ZMYM1: variants seen among roughly 807,000 people sequenced by gnomAD.
ZMYM1 encodes the protein zinc finger MYM-type protein 1.
A neutral mutation model predicts 60.0 loss-of-function variants in ZMYM1; 39 were observed. The ratio of observed to expected loss-of-function variants is 0.65; its 90% confidence interval spans 0.50 to 0.85. The LOEUF (loss-of-function observed/expected upper bound fraction) is 0.85, where lower values mean the gene tolerates loss of function less well. Ranked by LOEUF, ZMYM1 falls within the 40% of genes least tolerant of loss-of-function variation. The pLI, the probability that ZMYM1 is intolerant of heterozygous loss-of-function variation, is 0.00. For missense variants in ZMYM1, 1,171 were observed against 1,309.5 expected, an observed-to-expected ratio of 0.89 and a Z score of 1.63; for synonymous variants, 413 against 454.0, an observed-to-expected ratio of 0.91 and a Z score of 1.15.
intron 1 of ZMYM1, among the ~76,000 whole-genome samples, chr1:35,066,662 CTT>C (rs1557619688): frequency 2.6e-5 from 4 of 152,082 alleles, no homozygotes; most frequent in African/African-American, 7.2e-5. Flanking sequence ...GATTGAAAGA[CTT>C]AATGTAGTAA....
At chr1:35,100,528 A>G (rs1643587788) in intron 4 of ZMYM1, among the ~76,000 whole-genome samples, 1 of 151,820 alleles carries the variant, frequency 6.6e-6, no homozygotes. Flanking sequence ...TGACTGAGGC[A>G]GGAGAATTGC....
At chr1:35,071,840 T>C (rs1439939776) in intron 1 of ZMYM1, among the ~76,000 whole-genome samples, 1 of 152,214 alleles carries the variant, frequency 6.6e-6, no homozygotes, top group East Asian at 1.9e-4. Context: ...AAATGTTTGG[T>C]AGAATTCAGC....
intron 1 of ZMYM1, among the ~76,000 whole-genome samples, chr1:35,064,036 A>T (rs1258587306): frequency 6.6e-6 from 1 of 152,170 alleles, no homozygotes; most frequent in Non-Finnish European, 1.5e-5. Context: ...TTAAAAAAAG[A>T]AAGTTTCAGC....
intron 2 of ZMYM1, among the ~76,000 whole-genome samples, 168 bp from the exon 3 acceptor site, chr1:35,095,651 G>A (rs1643270914): frequency 2.0e-5 from 3 of 152,156 alleles, no homozygotes; most frequent in African/African-American, 7.2e-5. Flanking sequence ...AGTGTTGTCA[G>A]CCAAAGAGCA....
At chr1:35,103,568 T>C (rs1334141957) in intron 4 of ZMYM1, among the ~76,000 whole-genome samples, 1 of 152,224 alleles carries the variant, frequency 6.6e-6, no homozygotes. Context: ...CTGATGAACA[T>C]TTGGGCTGTT....
chr1:35,084,424 C>G (rs2148493831), intron 1 of ZMYM1, among the ~76,000 whole-genome samples: 1 of 152,320 alleles, frequency 6.6e-6, no homozygotes, highest in East Asian at 1.9e-4. Flanking sequence ...GTACTTCCTT[C>G]AAAGCAGACT....
intron 1 of ZMYM1, among the ~76,000 whole-genome samples, chr1:35,085,877 A>C (rs1009477079): frequency 2.0e-5 from 3 of 152,212 alleles, no homozygotes; most frequent in Non-Finnish European, 4.4e-5. Flanking sequence ...TATGAATGGA[A>C]GCCCACATAC....
chr1:35,091,249 G>A (rs2148508738), intron 1 of ZMYM1, among the ~76,000 whole-genome samples: 1 of 152,128 alleles, frequency 6.6e-6, no homozygotes, highest in Non-Finnish European at 1.5e-5. Flanking sequence ...TTGAGACGGA[G>A]TCTCCCAGGC....
intron 1 of ZMYM1, among the ~76,000 whole-genome samples, chr1:35,082,337 T>G (rs1642429865): frequency 6.9e-6 from 1 of 143,998 alleles, no homozygotes; most frequent in Non-Finnish European, 1.5e-5. Context: ...CTTTCCAACT[T>G]TTTTTTTTTT....
At chr1:35,117,653 A>G (rs561044918), downstream of ZMYM1, among the ~76,000 whole-genome samples, 7 of 152,114 alleles carry the variant, frequency 4.6e-5, no homozygotes, top group Admixed American at 4.6e-4. Context: ...TAAAAAAGAG[A>G]AAACAGGCCT....
chr1:35,084,698 T>C (rs1397208438), intron 1 of ZMYM1, among the ~76,000 whole-genome samples: 1 of 152,242 alleles, frequency 6.6e-6, no homozygotes, highest in East Asian at 1.9e-4. Context: ...TATAATCTTA[T>C]TAGCTCTTTG....
At chr1:35,117,590 G>A (rs1644262092), downstream of ZMYM1, among the ~76,000 whole-genome samples, 2 of 151,922 alleles carry the variant, frequency 1.3e-5, no homozygotes, top group African/African-American at 4.8e-5. Context: ...CCAAAGTGCT[G>A]GGATTACAGG....
rs540482725 is a variant in ZMYM1, at chr1:35,092,727, A to C, written c.-74-1187A>C. Among the ~76,000 whole-genome samples, 125 of 152,028 alleles carry C rather than the reference A, an allele frequency of 8.2e-4. 1 individual carries two copies. The highest frequency in any genetic ancestry group is 2.8e-3 in the African/African-American group (117 of 41,476). On this transcript the variant is annotated intron_variant, in intron 1 of 9. Transcript: ENST00000359858. ...ACTGCAACCTCTGCCTCCCGGGTTC[A>C]AGCTATTCTCCTGCCTCAGCCTACC...
At chr1:35,116,689 G>A (rs932568433), downstream of ZMYM1, among the ~76,000 whole-genome samples, 12 of 151,908 alleles carry the variant, frequency 7.9e-5, no homozygotes, top group Admixed American at 2.0e-4. Context: ...AACTCCTGAC[G>A]TCAGGTAATA....
upstream of ZMYM1, among the ~76,000 whole-genome samples, chr1:35,077,184 TATG>T (rs976975686): frequency 1.3e-4 from 20 of 152,072 alleles, no homozygotes; most frequent in African/African-American, 4.6e-4. Flanking sequence ...TACAATTTTT[TATG>T]ATATCATGAA....
chr1:35,098,954 G>A (rs1410703332), intron 4 of ZMYM1, among the ~76,000 whole-genome samples: 4 of 152,108 alleles, frequency 2.6e-5, no homozygotes, highest in Non-Finnish European at 4.4e-5. Context: ...TGCATTTATC[G>A]CCATGTGATT....
chr1:35,091,354 G>A (rs1216164092), intron 1 of ZMYM1, among the ~76,000 whole-genome samples: 1 of 152,014 alleles, frequency 6.6e-6, no homozygotes, highest in African/African-American at 2.4e-5. Context: ...TGGGTCTACA[G>A]GTGCCTGCCA....
At chr1:35,067,772 G>A (rs970152320) in intron 1 of ZMYM1, among the ~76,000 whole-genome samples, 1 of 151,802 alleles carries the variant, frequency 6.6e-6, no homozygotes, top group Non-Finnish European at 1.5e-5. Flanking sequence ...CTGCTTGGGA[G>A]GCTAGGGAGG....
chr1:35,095,718 G>A, intron 2 of ZMYM1, 101 bp from the exon 3 acceptor site: 1 of 976,768 alleles, frequency 1.0e-6, no homozygotes, highest in South Asian at 1.6e-5. Context: ...ACAATTCATT[G>A]ACCAGACTTG....
Sources: allele counts gnomAD v4.1 joint callset (sites outside exome capture counted in the v4.1 genomes callset), GRCh38; gene constraint gnomAD v4.1.1; transcripts MANE v1.5; gene names NCBI Gene and HGNC (gene_info 2026-07-23, HGNC 2026-07-21).